The following SENP1 variants were observed in gnomAD, a reference collection of about 807,000 sequenced individuals.
The protein encoded by SENP1 is SUMO specific peptidase 1, also known as sentrin-specific protease 1.
A neutral mutation model predicts 93.0 loss-of-function variants in SENP1; 21 were observed. The ratio of observed to expected loss-of-function variants is 0.23; its 90% confidence interval spans 0.16 to 0.33. The LOEUF is 0.33. SENP1 is among the 10% of genes least tolerant of loss of function. The probability of loss-of-function intolerance (pLI) is 1.00; values close to 1 mark genes in which losing one functional copy is unlikely to be tolerated. For synonymous variants in SENP1, 256 were observed against 259.6 expected (o/e 0.99, Z 0.13); for missense variants, 591 against 758.7 (o/e 0.78, Z 2.60).
intron 1 of SENP1, chr12:48,105,431 G>T (rs1032933182): frequency 1.9e-6 from 1 of 518,938 alleles, no homozygotes; most frequent in Non-Finnish European, 3.8e-6. Context: ...TAAGCAAATT[G>T]TGGCAGTTAA....
At chr12:48,104,802 C>A (rs1946349551) in intron 1 of SENP1, among the ~76,000 whole-genome samples, 2 of 152,364 alleles carry the variant, frequency 1.3e-5, no homozygotes, top group South Asian at 4.1e-4. Flanking sequence ...TACCCATCCA[C>A]TCCCTCTAGA....
chr12:48,066,581 G>A (rs555590805), intron 10 of SENP1, among the ~76,000 whole-genome samples: 44 of 150,236 alleles, frequency 2.9e-4, no homozygotes, highest in African/African-American at 7.8e-4. Context: ...GCGTGATCTC[G>A]GCTCACTGCA....
intron 1 of SENP1, chr12:48,105,159 A>G: frequency 3.5e-6 from 1 of 289,724 alleles, no homozygotes; most frequent in South Asian, 3.2e-5. Flanking sequence ...AAAAGGCTTT[A>G]TATGAATATT....
chr12:48,103,553 T>C (rs1946101857), intron 1 of SENP1, among the ~76,000 whole-genome samples: 1 of 152,236 alleles, frequency 6.6e-6, no homozygotes, highest in Non-Finnish European at 1.5e-5. Flanking sequence ...TACATTCTTT[T>C]AGCCACTTGC....
intron 4 of SENP1, among the ~76,000 whole-genome samples, chr12:48,090,297 C>G (rs954094774): frequency 6.6e-6 from 1 of 152,070 alleles, no homozygotes; most frequent in South Asian, 2.1e-4. Context: ...CACATTTTGG[C>G]TAAAATTTGA....
chr12:48,061,142 A>G (rs1165473901), intron 13 of SENP1, among the ~76,000 whole-genome samples: 1 of 152,178 alleles, frequency 6.6e-6, no homozygotes, highest in Non-Finnish European at 1.5e-5. Flanking sequence ...TTATAAACTG[A>G]ATCTGATTCC....
At chr12:48,056,074 T>A (rs1271677817) in intron 13 of SENP1, among the ~76,000 whole-genome samples, 1 of 124,474 alleles carries the variant, frequency 8.0e-6, no homozygotes, top group Non-Finnish European at 1.6e-5. Context: ...ATACAGTATA[T>A]ATTATATATT....
intron 5 of SENP1, among the ~76,000 whole-genome samples, chr12:48,085,715 C>CAAAAAAAAAAAAAA (rs200416260): frequency 8.6e-6 from 1 of 116,320 alleles, no homozygotes; most frequent in Non-Finnish European, 1.8e-5. Flanking sequence ...TTGCTTCTCT[C>CAAAAAAAAAAAAAA]AAAAAAAAAA....
At chr12:48,085,066 CG>C in intron 5 of SENP1, 1 of 1,289,800 alleles carries the variant, frequency 7.8e-7, no homozygotes, top group Non-Finnish European at 1.1e-6. Context: ...GCAGGGATGG[CG>C]GGGAGAAGGA....
chr12:48,066,236 C>T (rs540383480), intron 10 of SENP1, among the ~76,000 whole-genome samples: 2 of 152,162 alleles, frequency 1.3e-5, no homozygotes, highest in East Asian at 3.9e-4. Flanking sequence ...TAAAAAATTA[C>T]CGAGACCGAG....
Position 48,083,641 on chromosome 12 carries a change from G to C in SENP1, c.502C>G (p.Leu168Val), listed in dbSNP as rs913858059. 3 of 1,613,848 alleles carry C rather than the reference G, an allele frequency of 1.9e-6. No homozygotes were observed. In the African/African-American group the frequency reaches 4.0e-5, roughly 22 times the overall value. ...PSWSGSCRRS[L>V]LSPKKTQRRH... ...CTCTGAGTTTTCTTGGGGCTCAAAAGACTTCGACGACATGAACCACTCCAA... is the reference window on the plus strand; with the variant it reads ...CTCTGAGTTTTCTTGGGGCTCAAAACACTTCGACGACATGAACCACTCCAA... Residue 168 changes from leucine to valine, a missense_variant, in exon 6 of 18, where the codon CTT becomes GTT. Physicochemically the swap from Leu to Val is conservative, Grantham distance 32 (BLOSUM62 1). This residue lies in a region of SENP1 where 214 missense variants were observed against 243.4 expected (regional missense o/e 0.88). Coordinates refer to ENST00000549518, the MANE Select transcript of SENP1 (RefSeq NM_001267594.2).
At chr12:48,105,257 A>C (rs1946414406) in intron 1 of SENP1, 1 of 407,596 alleles carries the variant, frequency 2.5e-6, no homozygotes, top group Admixed American at 2.7e-5. Flanking sequence ...AGTGATAAAG[A>C]AGCAAGTTAC....
intron 5 of SENP1, chr12:48,085,316 C>A (rs1944782084): frequency 6.0e-6 from 9 of 1,489,706 alleles, no homozygotes; most frequent in Non-Finnish European, 6.5e-6. Context: ...AGCACTCTAT[C>A]CCTACTGTCC....
chr12:48,093,127 C>G (rs1307999043), intron 4 of SENP1, among the ~76,000 whole-genome samples: 1 of 152,080 alleles, frequency 6.6e-6, no homozygotes, highest in Non-Finnish European at 1.5e-5. Context: ...GTAACACTTT[C>G]AAGTATAATC....
intron 13 of SENP1, among the ~76,000 whole-genome samples, chr12:48,050,116 C>A (rs911823712): frequency 6.6e-6 from 1 of 152,162 alleles, no homozygotes; most frequent in African/African-American, 2.4e-5. Flanking sequence ...CTTTATGTGG[C>A]CAGCTGAGGT....
chr12:48,054,462 C>T (rs890956617), intron 13 of SENP1, among the ~76,000 whole-genome samples: 4 of 151,868 alleles, frequency 2.6e-5, no homozygotes, highest in African/African-American at 9.7e-5. Context: ...TTTTTCTGTC[C>T]CTTAACTTTT....
At chr12:48,105,706 G>A (rs1188895093) in intron 1 of SENP1, 12 of 484,668 alleles carry the variant, frequency 2.5e-5, no homozygotes, top group Non-Finnish European at 3.4e-5. Context: ...ATCGCAACCG[G>A]CCTTTCCCCA....
intron 5 of SENP1, among the ~76,000 whole-genome samples, chr12:48,085,614 AAGGAAC>A (rs1011309219): frequency 4.0e-5 from 6 of 151,798 alleles, no homozygotes; most frequent in African/African-American, 1.2e-4. Flanking sequence ...AAGGCTGGTT[AAGGAAC>A]AGGAAGCCTG....
chr12:48,056,707 CATATTACATATATAAATAT>C (rs1942454731), intron 13 of SENP1, among the ~76,000 whole-genome samples: 1 of 69,062 alleles, frequency 1.4e-5, no homozygotes, highest in African/African-American at 6.0e-5. Flanking sequence ...TAATATATTA[CATATTACATATATAAATAT>C]ATTATTTAAT....
Sources: gnomAD v4.1 joint callset for allele counts (sites outside exome capture counted in the v4.1 genomes callset) on GRCh38, gnomAD v4.1.1 for gene constraint, gnomAD v4.1.1 regional missense constraint, MANE v1.5 for transcripts, NCBI Gene and HGNC (gene_info 2026-07-23, HGNC 2026-07-21) for gene names.